Variants in IL1RAPL1 observed in about 807,000 individuals in gnomAD.
IL1RAPL1 encodes the protein interleukin 1 receptor accessory protein like 1.
Under a neutral mutation model 48.4 loss-of-function variants are expected in IL1RAPL1, and 3 were observed. The ratio of observed to expected loss-of-function variants is 0.06; its 90% confidence interval spans 0.03 to 0.16. IL1RAPL1 has a LOEUF of 0.16. Among genes scored for constraint, IL1RAPL1 ranks in the 10% least tolerant of loss-of-function variants. The pLI is 1.00. For synonymous variants in IL1RAPL1, 185 were observed against 187.7 expected, an observed-to-expected ratio of 0.99 and a Z score of 0.12; for missense variants, 349 against 530.6, an observed-to-expected ratio of 0.66 and a Z score of 3.36.
rs148275387 is a variant in IL1RAPL1, at chrX:29,660,951, C to G, written c.704-7479C>G. On this transcript the variant is annotated intron_variant, in intron 5 of 10. Transcript: ENST00000378993. ...GGTCATTTTAATGATATTAATTCTT[C>G]CAATGTATGATATGAGTGTGGGATG... Among the ~76,000 whole-genome samples, 916 of 112,015 alleles carry G rather than the reference C, an allele frequency of 8.2e-3. 5 individuals carry two copies. The highest frequency in any genetic ancestry group is 0.028 in the African/African-American group (852 of 30,856).
intron 3 of IL1RAPL1, among the ~76,000 whole-genome samples, chrX:29,297,051 C>A (rs1932460080): frequency 1.8e-5 from 2 of 111,710 alleles, no homozygotes; most frequent in Admixed American, 1.9e-4. Context: ...AGATCTGGAT[C>A]TATCAATTTT....
chrX:29,947,998 C>T (rs1933246155), intron 9 of IL1RAPL1, among the ~76,000 whole-genome samples: 1 of 110,843 alleles, frequency 9.0e-6, no homozygotes, highest in South Asian at 3.8e-4. Flanking sequence ...ACTTCTGAAT[C>T]TATGTTGCCT....
chrX:29,583,659 A>T (rs1355619366), intron 5 of IL1RAPL1, among the ~76,000 whole-genome samples: 2 of 77,831 alleles, frequency 2.6e-5, no homozygotes, highest in African/African-American at 1.0e-4. Flanking sequence ...TAATTTACAG[A>T]TTCAATGCCA....
chrX:29,514,403 A>T (rs1349491570), intron 5 of IL1RAPL1, among the ~76,000 whole-genome samples: 1 of 112,722 alleles, frequency 8.9e-6, no homozygotes, highest in Non-Finnish European at 1.9e-5. Context: ...TCATTTTAAA[A>T]TGTTTTTACT....
intron 6 of IL1RAPL1, among the ~76,000 whole-genome samples, chrX:29,778,690 G>A (rs1320154133): frequency 8.9e-6 from 1 of 112,029 alleles, no homozygotes; most frequent in Non-Finnish European, 1.9e-5. Context: ...GTTCTTCACT[G>A]TCATACCTTT....
At chrX:29,549,533 T>C (rs2147786964) in intron 5 of IL1RAPL1, among the ~76,000 whole-genome samples, 1 of 112,145 alleles carries the variant, frequency 8.9e-6, no homozygotes, top group South Asian at 3.7e-4. Flanking sequence ...AAACATAGTA[T>C]ATATAGGCTT....
chrX:29,306,860 CAAAAAAA>C (rs1168897352), intron 3 of IL1RAPL1, among the ~76,000 whole-genome samples: 30 of 28,703 alleles, frequency 1.0e-3, no homozygotes, highest in African/African-American at 1.8e-3. Flanking sequence ...GACTCTGTCT[CAAAAAAA>C]AAAAAAAAAA....
chrX:29,723,389 C>T (rs982165211), intron 6 of IL1RAPL1, among the ~76,000 whole-genome samples: 4 of 111,860 alleles, frequency 3.6e-5, no homozygotes, highest in African/African-American at 1.3e-4. Context: ...GCTGGGATTA[C>T]AGGCACTCGC....
intron 2 of IL1RAPL1, among the ~76,000 whole-genome samples, chrX:28,905,360 A>C (rs1304640967): frequency 1.8e-5 from 2 of 111,921 alleles, no homozygotes; most frequent in Non-Finnish European, 3.8e-5. Flanking sequence ...TGAATGTATT[A>C]TTTATAATGA....
intron 6 of IL1RAPL1, among the ~76,000 whole-genome samples, chrX:29,711,338 C>T (rs1242302930): frequency 9.4e-6 from 1 of 106,702 alleles, no homozygotes; most frequent in African/African-American, 3.4e-5. Context: ...CATGCGCCAC[C>T]AGTCCCGGCT....
At chrX:29,816,755 G>A (rs1051653719) in intron 6 of IL1RAPL1, among the ~76,000 whole-genome samples, 3 of 109,717 alleles carry the variant, frequency 2.7e-5, no homozygotes, top group East Asian at 2.8e-4. Context: ...GATATTTAAT[G>A]TGCCTCATTT....
intron 5 of IL1RAPL1, among the ~76,000 whole-genome samples, chrX:29,651,107 CA>C (rs367929472): frequency 0.099 from 9,217 of 92,873 alleles, 338 homozygotes; most frequent in Middle Eastern, 0.25. Context: ...TGGCTATTGT[CA>C]AAAAAAAAAA....
chrX:29,130,331 TG>T (rs1928994407), intron 2 of IL1RAPL1, among the ~76,000 whole-genome samples: 1 of 112,371 alleles, frequency 8.9e-6, no homozygotes, highest in Non-Finnish European at 1.9e-5. Context: ...AATCTGTAGT[TG>T]GCTTCTTAAA....
At chrX:29,292,258 C>T (rs917818271) in intron 3 of IL1RAPL1, among the ~76,000 whole-genome samples, 42 of 111,536 alleles carry the variant, frequency 3.8e-4, no homozygotes, top group African/African-American at 1.4e-3. Context: ...AATTCTTTTT[C>T]TTATGACATC....
chrX:28,692,060 A>G (rs2146925737), intron 1 of IL1RAPL1, among the ~76,000 whole-genome samples: 1 of 111,213 alleles, frequency 9.0e-6, no homozygotes, highest in East Asian at 2.9e-4. Context: ...GAGAGGAAGC[A>G]AGAGACAGAC....
chrX:29,829,032 A>G (rs1930806239), intron 6 of IL1RAPL1, among the ~76,000 whole-genome samples: 1 of 110,907 alleles, frequency 9.0e-6, no homozygotes, highest in South Asian at 3.9e-4. Context: ...GCTCTGAAGC[A>G]CTTCCAAAGC....
At chrX:29,800,996 G>A (rs1480432240) in intron 6 of IL1RAPL1, among the ~76,000 whole-genome samples, 6 of 20,649 alleles carry the variant, frequency 2.9e-4, no homozygotes, top group Admixed American at 9.6e-4. Flanking sequence ...GCGAAACTCC[G>A]TCTCAAAAAA....
intron 5 of IL1RAPL1, among the ~76,000 whole-genome samples, chrX:29,601,740 T>C (rs1318368993): frequency 8.9e-6 from 1 of 112,194 alleles, no homozygotes; most frequent in East Asian, 2.8e-4. Flanking sequence ...ATAAGTGAAA[T>C]GACTTTTGTT....
At chrX:28,618,026 G>A (rs1934242119) in intron 1 of IL1RAPL1, among the ~76,000 whole-genome samples, 1 of 111,781 alleles carries the variant, frequency 8.9e-6, no homozygotes, top group African/African-American at 3.3e-5. Flanking sequence ...CCATGTCTTT[G>A]ACATCTCCAT....
Sources: gnomAD v4.1 joint callset for allele counts (sites outside exome capture counted in the v4.1 genomes callset) on GRCh38, gnomAD v4.1.1 for gene constraint, MANE v1.5 for transcripts, NCBI Gene and HGNC (gene_info 2026-07-23, HGNC 2026-07-21) for gene names.